VEPH1: variants seen among roughly 807,000 people sequenced by gnomAD.
The protein encoded by VEPH1 is ventricular zone expressed PH domain containing 1, also known as ventricular zone-expressed PH domain-containing protein homolog 1.
In VEPH1, 80 loss-of-function variants were observed where a neutral mutation model predicts 85.2. The observed-to-expected ratio is 0.94, with a 90% CI of 0.78 to 1.13. The LOEUF (loss-of-function observed/expected upper bound fraction) is 1.13. VEPH1 is among the 50% of genes most tolerant of loss of function. The pLI, the probability that VEPH1 is intolerant of heterozygous loss-of-function variation, is 0.00. For synonymous variants in VEPH1, 297 were observed against 348.0 expected, an observed-to-expected ratio of 0.85 and a Z score of 1.63; for missense variants, 955 against 980.5, an observed-to-expected ratio of 0.97 and a Z score of 0.35.
chr3:157,408,814 T>C (rs1731326326), intron 6 of VEPH1, among the ~76,000 whole-genome samples: 1 of 151,850 alleles, frequency 6.6e-6, no homozygotes, highest in Non-Finnish European at 1.5e-5. Flanking sequence ...TATGTCAGAG[T>C]AAAGGGTGTG....
At chr3:157,355,833 T>A (rs1725363144) in intron 9 of VEPH1, among the ~76,000 whole-genome samples, 1 of 152,156 alleles carries the variant, frequency 6.6e-6, no homozygotes, top group South Asian at 2.1e-4. Flanking sequence ...GATGTGGATA[T>A]TTTCATCTGA....
chr3:157,436,471 G>C (rs1236399782), intron 4 of VEPH1, among the ~76,000 whole-genome samples: 1 of 152,082 alleles, frequency 6.6e-6, no homozygotes, highest in African/African-American at 2.4e-5. Flanking sequence ...ATATATAAAG[G>C]GTTGTGAAAT....
chr3:157,496,780 A>C (rs1051261346), intron 1 of VEPH1, among the ~76,000 whole-genome samples: 2 of 152,334 alleles, frequency 1.3e-5, no homozygotes, highest in East Asian at 3.9e-4. Flanking sequence ...CAAAGCTTTC[A>C]TTACACACTC....
chr3:157,360,514 T>G (rs1725926663), intron 9 of VEPH1, among the ~76,000 whole-genome samples: 1 of 152,144 alleles, frequency 6.6e-6, no homozygotes, highest in African/African-American at 2.4e-5. Context: ...TAGTTAATTG[T>G]CAAACTACGG....
At chr3:157,335,067 C>A (rs759449783) in intron 9 of VEPH1, among the ~76,000 whole-genome samples, 3 of 152,158 alleles carry the variant, frequency 2.0e-5, no homozygotes, top group African/African-American at 4.8e-5. Context: ...TTAAAATTAT[C>A]TATCACCTTC....
chr3:157,364,644 C>T (rs1726433043), intron 7 of VEPH1, 132 bp from the exon 8 acceptor site: 3 of 801,546 alleles, frequency 3.7e-6, no homozygotes, highest in Non-Finnish European at 5.8e-6. Flanking sequence ...GGTCATTTAA[C>T]AAGTATTTAC....
At chr3:157,345,315 TCAAA>T (rs1252673753) in intron 9 of VEPH1, among the ~76,000 whole-genome samples, 1 of 151,766 alleles carries the variant, frequency 6.6e-6, no homozygotes, top group Non-Finnish European at 1.5e-5. Flanking sequence ...TACAAAGAAC[TCAAA>T]CAAATTTACA....
At chr3:157,491,755 T>C (rs1739230344) in intron 2 of VEPH1, among the ~76,000 whole-genome samples, 1 of 152,192 alleles carries the variant, frequency 6.6e-6, no homozygotes, top group Admixed American at 6.6e-5. Context: ...TAATTTTTTT[T>C]GCAATGTTGA....
At chr3:157,332,893 G>A (rs1367064179) in intron 9 of VEPH1, among the ~76,000 whole-genome samples, 3 of 152,130 alleles carry the variant, frequency 2.0e-5, no homozygotes, top group Non-Finnish European at 4.4e-5. Context: ...AATTATGAAG[G>A]AGGTGAATCT....
intron 9 of VEPH1, among the ~76,000 whole-genome samples, chr3:157,318,389 C>T (rs569696333): frequency 1.3e-5 from 2 of 152,118 alleles, no homozygotes; most frequent in African/African-American, 4.8e-5. Flanking sequence ...GGGCGGATTG[C>T]CTCATCTCAG....
intron 12 of VEPH1, among the ~76,000 whole-genome samples, chr3:157,271,959 T>G (rs2108287130): frequency 6.6e-6 from 1 of 152,324 alleles, no homozygotes; most frequent in Non-Finnish European, 1.5e-5. Flanking sequence ...AGCCATTTAG[T>G]CCATTATTAA....
At chr3:157,377,887 C>G (rs1173090558) in intron 7 of VEPH1, among the ~76,000 whole-genome samples, 1 of 150,910 alleles carries the variant, frequency 6.6e-6, no homozygotes. Context: ...GTTAAGATGC[C>G]TATGTAACAC....
intron 5 of VEPH1, among the ~76,000 whole-genome samples, chr3:157,420,909 C>T (rs1732287379): frequency 6.6e-6 from 1 of 152,172 alleles, no homozygotes; most frequent in African/African-American, 2.4e-5. Context: ...AACTCTGTTC[C>T]TTTCGTTGGC....
At chr3:157,275,424 A>G (rs1489543738) in intron 12 of VEPH1, among the ~76,000 whole-genome samples, 1 of 152,038 alleles carries the variant, frequency 6.6e-6, no homozygotes, top group Non-Finnish European at 1.5e-5. Flanking sequence ...AAAATACAAA[A>G]AATTAGCCGG....
At chr3:157,321,729 G>A (rs56844899) in intron 9 of VEPH1, among the ~76,000 whole-genome samples, 7,006 of 152,052 alleles carry the variant, frequency 0.046, 465 homozygotes, top group African/African-American at 0.15. Flanking sequence ...CTCTGTCCTT[G>A]AGTTTCTTAT....
intron 4 of VEPH1, 56 bp from the exon 5 acceptor site, chr3:157,428,544 A>G (rs888861133): frequency 1.3e-6 from 2 of 1,536,210 alleles, no homozygotes; most frequent in African/African-American, 2.7e-5. Flanking sequence ...AGCAACAGAA[A>G]TAACATTATT....
intron 2 of VEPH1, chr3:157,488,908 C>G (rs954609564): frequency 1.8e-5 from 3 of 168,748 alleles, no homozygotes; most frequent in Non-Finnish European, 3.4e-5. Flanking sequence ...ATCTTAAGTT[C>G]GTTCTCTCTC....
intron 12 of VEPH1, among the ~76,000 whole-genome samples, chr3:157,271,749 C>T (rs1714580739): frequency 6.6e-6 from 1 of 152,084 alleles, no homozygotes; most frequent in South Asian, 2.1e-4. Context: ...GCCTGTGGGA[C>T]ATGGAGCTGG....
intron 7 of VEPH1, 102 bp from the exon 8 acceptor site, chr3:157,364,614 G>T: frequency 8.7e-7 from 1 of 1,146,244 alleles, no homozygotes; most frequent in Non-Finnish European, 1.2e-6. Flanking sequence ...CAAAAGCTTT[G>T]CCTGATAATT....
Sources: gnomAD v4.1 joint callset for allele counts (sites outside exome capture counted in the v4.1 genomes callset) on GRCh38, gnomAD v4.1.1 for gene constraint, MANE v1.5 for transcripts, NCBI Gene and HGNC (gene_info 2026-07-23, HGNC 2026-07-21) for gene names.